The following RAB38 variants were observed in gnomAD, a reference collection of about 807,000 sequenced individuals.
RAB38 encodes RAB38, member RAS oncogene family, also known as ras-related protein Rab-38.
RAB38 carries 15 observed loss-of-function variants against 18.4 expected under a neutral mutation model. The ratio of observed to expected loss-of-function variants is 0.82; its 90% confidence interval spans 0.55 to 1.26. The LOEUF is 1.26. Ranked by LOEUF, RAB38 falls within the 50% of genes most tolerant of loss-of-function variation. RAB38 has a pLI of 0.00. For missense variants in RAB38, 294 were observed against 267.4 expected (o/e 1.10, Z -0.69); for synonymous variants, 101 against 104.4 (o/e 0.97, Z 0.20).
At chr11:87,933,536 A>G in the RAB38 span, among the ~76,000 whole-genome samples, 3 of 152,002 alleles carry the variant, frequency 2.0e-5, no homozygotes, top group Non-Finnish European at 2.9e-5. Flanking sequence ...CAAACTCTCA[A>G]CTGCTAGACA....
At chr11:88,146,446 T>C (rs1019086625) in intron 2 of RAB38, among the ~76,000 whole-genome samples, 27 of 152,088 alleles carry the variant, frequency 1.8e-4, no homozygotes, top group Admixed American at 2.6e-4. Flanking sequence ...TTTTAGAAGA[T>C]TGACTGTCTA....
chr11:88,048,946 G>A, the RAB38 span, among the ~76,000 whole-genome samples: 10 of 151,766 alleles, frequency 6.6e-5, no homozygotes, highest in Admixed American at 2.0e-4. Flanking sequence ...GTCTTATTCC[G>A]TTTAGTTTTT....
At chr11:88,046,972 A>G in the RAB38 span, among the ~76,000 whole-genome samples, 4 of 152,242 alleles carry the variant, frequency 2.6e-5, no homozygotes, top group African/African-American at 7.2e-5. Context: ...GACTGGGACC[A>G]TGCCCTGTAG....
chr11:88,046,804 G>A, the RAB38 span, among the ~76,000 whole-genome samples: 1 of 152,054 alleles, frequency 6.6e-6, no homozygotes, highest in South Asian at 2.1e-4. Context: ...AGGAAACCTA[G>A]CTGACCCCAT....
At chr11:88,169,763 G>A (rs556647732) in intron 1 of RAB38, among the ~76,000 whole-genome samples, 42 of 152,288 alleles carry the variant, frequency 2.8e-4, no homozygotes, top group African/African-American at 9.4e-4. Context: ...CAGAGAGTAG[G>A]AGAACGAGGT....
intron 2 of RAB38, among the ~76,000 whole-genome samples, chr11:88,147,717 C>T (rs1943008343): frequency 6.6e-6 from 1 of 151,870 alleles, no homozygotes. Flanking sequence ...ATAGTGAAAC[C>T]ACATCTCTAC....
chr11:88,126,268 G>C (rs183804480), intron 2 of RAB38, among the ~76,000 whole-genome samples: 9 of 152,248 alleles, frequency 5.9e-5, no homozygotes, highest in Admixed American at 2.0e-4. Flanking sequence ...GTTTATTGCA[G>C]CATTGTTCAC....
At chr11:88,021,328 A>G in the RAB38 span, among the ~76,000 whole-genome samples, 1 of 152,134 alleles carries the variant, frequency 6.6e-6, no homozygotes, top group Non-Finnish European at 1.5e-5. Flanking sequence ...AATAAATTGA[A>G]AAGTCTAGAT....
the RAB38 span, among the ~76,000 whole-genome samples, chr11:87,961,811 A>G: frequency 6.6e-6 from 1 of 152,212 alleles, no homozygotes; most frequent in Non-Finnish European, 1.5e-5. Flanking sequence ...AAAATGTGTC[A>G]TGGGCTGTCT....
chr11:87,864,910 AC>A, the RAB38 span, among the ~76,000 whole-genome samples: 2 of 151,820 alleles, frequency 1.3e-5, no homozygotes, highest in Non-Finnish European at 2.9e-5. Context: ...ACTTAGCAGA[AC>A]ATCTATCCAG....
chr11:88,030,993 A>G, the RAB38 span, among the ~76,000 whole-genome samples: 9 of 151,172 alleles, frequency 6.0e-5, no homozygotes, highest in East Asian at 1.7e-3. Flanking sequence ...AATACTGGCA[A>G]ACCGAATCCA....
At chr11:88,027,140 T>C in the RAB38 span, among the ~76,000 whole-genome samples, 4 of 152,184 alleles carry the variant, frequency 2.6e-5, no homozygotes, top group Non-Finnish European at 4.4e-5. Context: ...GAAAGTTTCC[T>C]TTCTATTTCT....
chr11:87,916,169 T>C, the RAB38 span, among the ~76,000 whole-genome samples: 1 of 152,064 alleles, frequency 6.6e-6, no homozygotes, highest in Non-Finnish European at 1.5e-5. Flanking sequence ...TGGGAGACTA[T>C]TGGGAGGGAA....
the RAB38 span, among the ~76,000 whole-genome samples, chr11:87,908,389 T>G: frequency 6.6e-6 from 1 of 152,014 alleles, no homozygotes; most frequent in East Asian, 1.9e-4. Flanking sequence ...ACATTTCACT[T>G]TCTCTTAATG....
At chr11:87,895,343 T>C in the RAB38 span, among the ~76,000 whole-genome samples, 11 of 151,240 alleles carry the variant, frequency 7.3e-5, no homozygotes, top group African/African-American at 2.7e-4. Flanking sequence ...TGAACAAGAG[T>C]TGTAGGAATA....
chr11:87,864,791 T>G, the RAB38 span, among the ~76,000 whole-genome samples: 1 of 151,740 alleles, frequency 6.6e-6, no homozygotes, highest in Non-Finnish European at 1.5e-5. Flanking sequence ...TTAGACAAAG[T>G]ATAAAATATT....
the RAB38 span, among the ~76,000 whole-genome samples, chr11:88,062,530 TTC>T: frequency 1.4e-3 from 210 of 152,364 alleles, no homozygotes; most frequent in Admixed American, 5.5e-3. Flanking sequence ...TTCTAATTAT[TTC>T]TGTTTTGTAA....
chr11:88,142,178 CT>C (rs1942923268), intron 2 of RAB38, among the ~76,000 whole-genome samples: 1 of 152,216 alleles, frequency 6.6e-6, no homozygotes. Context: ...CATGGAAACA[CT>C]TTTGCAGATC....
At chr11:87,865,319 C>G in the RAB38 span, among the ~76,000 whole-genome samples, 1 of 151,368 alleles carries the variant, frequency 6.6e-6, no homozygotes, top group Non-Finnish European at 1.5e-5. Flanking sequence ...CAGGTAATCA[C>G]AAGGGTCTTT....
Sources: gnomAD v4.1 joint callset for allele counts (sites outside exome capture counted in the v4.1 genomes callset) on GRCh38, gnomAD v4.1.1 for gene constraint, MANE v1.5 for transcripts, NCBI Gene and HGNC (gene_info 2026-07-23, HGNC 2026-07-21) for gene names.